Variants in NEDD4L observed in about 807,000 individuals in gnomAD.
NEDD4L encodes the protein E3 ubiquitin-protein ligase NEDD4-like.
NEDD4L carries 54 observed loss-of-function variants against 148.9 expected under a neutral mutation model. The ratio of observed to expected loss-of-function variants is 0.36; its 90% confidence interval spans 0.29 to 0.45. The LOEUF is 0.45. NEDD4L is among the 20% of genes least tolerant of loss of function. The pLI, the probability that NEDD4L is intolerant of heterozygous loss-of-function variation, is 1.00. For synonymous variants in NEDD4L, 433 were observed against 440.7 expected (o/e 0.98, Z 0.22); for missense variants, 856 against 1,233.8 (o/e 0.69, Z 4.59).
At chr18:58,080,741 G>C (rs1382869765) in intron 1 of NEDD4L, among the ~76,000 whole-genome samples, 1 of 152,182 alleles carries the variant, frequency 6.6e-6, no homozygotes, top group African/African-American at 2.4e-5. Context: ...GCAAGAAAAA[G>C]ACAAAAGAAA....
chr18:58,169,655 A>G (rs1291186800), intron 2 of NEDD4L, among the ~76,000 whole-genome samples: 2 of 152,276 alleles, frequency 1.3e-5, no homozygotes, highest in Non-Finnish European at 2.9e-5. Flanking sequence ...AACCCTGCTC[A>G]AAACGCCCAC....
intron 1 of NEDD4L, among the ~76,000 whole-genome samples, chr18:58,159,010 G>T (rs1184045428): frequency 3.9e-5 from 6 of 152,122 alleles, no homozygotes; most frequent in African/African-American, 1.4e-4. Context: ...TTTTTGTTGA[G>T]TGTATAATTA....
intron 5 of NEDD4L, among the ~76,000 whole-genome samples, chr18:58,279,367 T>A (rs1293129388): frequency 6.6e-6 from 1 of 152,138 alleles, no homozygotes; most frequent in East Asian, 1.9e-4. Context: ...AAGCTATGGA[T>A]TCTCAGGATT....
At chr18:58,340,390 T>C (rs186612061) in intron 13 of NEDD4L, among the ~76,000 whole-genome samples, 2 of 152,122 alleles carry the variant, frequency 1.3e-5, no homozygotes, top group Non-Finnish European at 2.9e-5. Context: ...ATCAGCAGAC[T>C]TGGGTGCACA....
chr18:58,305,617 ACT>A (rs890866953), intron 5 of NEDD4L, among the ~76,000 whole-genome samples: 3 of 152,004 alleles, frequency 2.0e-5, no homozygotes, highest in African/African-American at 7.3e-5. Context: ...GGAGGCCCAT[ACT>A]CTCTGCCTAA....
intron 26 of NEDD4L, 151 bp from the exon 27 acceptor site, chr18:58,387,288 G>A (rs767004968): frequency 1.1e-6 from 1 of 875,440 alleles, no homozygotes; most frequent in Non-Finnish European, 1.6e-6. Context: ...GTTTTTACTG[G>A]AACTATAGTT....
chr18:58,349,604 G>GC lies in NEDD4L; in HGVS notation c.1648dup (p.Leu550ProfsTer19). On this transcript the variant is annotated frameshift_variant, in exon 17 of 31. Transcript: ENST00000400345. LOFTEE classifies it high-confidence loss of function. ...ACATCTTTAAACCCCAATGACCTTG[G>GC]CCCCCTTCCTGTGAGTACACTGGAG... The GC allele has an allele frequency of 6.2e-7, 1 of 1,613,562 alleles. No homozygotes were observed. The highest frequency in any genetic ancestry group is 8.5e-7 in the Non-Finnish European group (1 of 1,179,532).
intron 1 of NEDD4L, among the ~76,000 whole-genome samples, chr18:58,128,102 G>A (rs2920494): frequency 0.88 from 133,335 of 151,778 alleles, 58,627 homozygotes; most frequent in East Asian, 0.93. Flanking sequence ...GCTGGAGTGC[G>A]ATGGCACGAT....
chr18:58,206,732 A>G (rs759364162), intron 2 of NEDD4L, among the ~76,000 whole-genome samples: 1 of 152,236 alleles, frequency 6.6e-6, no homozygotes, highest in Non-Finnish European at 1.5e-5. Context: ...GAGAAGTAAC[A>G]GAATTGCTGG....
At chr18:58,108,386 T>C (rs2085210108) in intron 1 of NEDD4L, among the ~76,000 whole-genome samples, 1 of 152,184 alleles carries the variant, frequency 6.6e-6, no homozygotes, top group South Asian at 2.1e-4. Flanking sequence ...ACTTCTTAAG[T>C]ATACCTTAAT....
intron 16 of NEDD4L, among the ~76,000 whole-genome samples, chr18:58,346,203 C>G (rs557956010): frequency 6.6e-6 from 1 of 152,224 alleles, no homozygotes; most frequent in East Asian, 1.9e-4. Flanking sequence ...GCTCAGAGCA[C>G]GTGTATACGG....
chr18:58,124,333 G>A (rs896865973), intron 1 of NEDD4L, among the ~76,000 whole-genome samples: 4 of 152,214 alleles, frequency 2.6e-5, no homozygotes, highest in African/African-American at 9.7e-5. Context: ...GCCTTTGAGA[G>A]CATTGACTCC....
At chr18:58,101,923 A>G (rs973523611) in intron 1 of NEDD4L, among the ~76,000 whole-genome samples, 1 of 152,180 alleles carries the variant, frequency 6.6e-6, no homozygotes, top group African/African-American at 2.4e-5. Flanking sequence ...TTAAATTAGT[A>G]TAGAAGCAAA....
At chr18:58,102,171 C>G (rs1285919972) in intron 1 of NEDD4L, among the ~76,000 whole-genome samples, 3 of 152,132 alleles carry the variant, frequency 2.0e-5, no homozygotes, top group Admixed American at 1.3e-4. Context: ...ATCTTCTTCC[C>G]CCTCCATGAC....
At chr18:58,389,038 C>T (rs199859985) in intron 27 of NEDD4L, 47 bp from the exon 28 acceptor site, 31 of 1,492,114 alleles carry the variant, frequency 2.1e-5, no homozygotes, top group Non-Finnish European at 2.6e-5. Context: ...TGTGTGATCT[C>T]GCACCTTTCA....
chr18:58,227,973 G>A (rs1434961535), intron 2 of NEDD4L: 2 of 338,746 alleles, frequency 5.9e-6, no homozygotes, highest in Admixed American at 6.5e-5. Context: ...TAAAATAATA[G>A]AGCTGGCTCT....
At chr18:58,310,663 C>T (rs8089275) in intron 5 of NEDD4L, among the ~76,000 whole-genome samples, 3,210 of 152,330 alleles carry the variant, frequency 0.021, 114 homozygotes, top group African/African-American at 0.073. Context: ...CACAGCCCTG[C>T]TCTGATTGCA....
chr18:58,335,583 C>T (rs772352676), intron 13 of NEDD4L, 46 bp downstream of exon 13: 2 of 1,445,144 alleles, frequency 1.4e-6, no homozygotes, highest in African/African-American at 2.8e-5. Flanking sequence ...GGCCGTGAGG[C>T]AGTTTTAATA....
intron 1 of NEDD4L, among the ~76,000 whole-genome samples, chr18:58,150,550 TG>T (rs1599125695): frequency 1.3e-5 from 2 of 152,320 alleles, no homozygotes; most frequent in Admixed American, 6.5e-5. Context: ...TTTAAACTTC[TG>T]GTTTGAAACT....
Sources: gnomAD v4.1 joint callset for allele counts (sites outside exome capture counted in the v4.1 genomes callset) on GRCh38, gnomAD v4.1.1 for gene constraint, MANE v1.5 for transcripts, NCBI Gene and HGNC (gene_info 2026-07-23, HGNC 2026-07-21) for gene names.